The following RASGRF1 variants were observed in gnomAD, a reference collection of about 807,000 sequenced individuals.
RASGRF1 encodes the protein Ras protein specific guanine nucleotide releasing factor 1.
A neutral mutation model predicts 138.7 loss-of-function variants in RASGRF1; 40 were observed. That is an observed-to-expected ratio of 0.29 (90% confidence interval 0.22 to 0.38). The LOEUF (loss-of-function observed/expected upper bound fraction) is 0.38, where lower values mean the gene tolerates loss of function less well. Among genes scored for constraint, RASGRF1 ranks in the 10% least tolerant of loss-of-function variants. The probability of loss-of-function intolerance (pLI) is 1.00; values close to 1 mark genes in which losing one functional copy is unlikely to be tolerated. For synonymous variants in RASGRF1, 614 were observed against 663.2 expected (o/e 0.93, Z 1.14); for missense variants, 1,108 against 1,650.4 (o/e 0.67, Z 5.69).
At chr15:79,025,159 G>C (rs2057028540) in intron 10 of RASGRF1, among the ~76,000 whole-genome samples, 155 bp downstream of exon 10, 1 of 152,148 alleles carries the variant, frequency 6.6e-6, no homozygotes, top group African/African-American at 2.4e-5. Flanking sequence ...TCTCCAGCTG[G>C]CCAAACTATG....
intron 1 of RASGRF1, among the ~76,000 whole-genome samples, chr15:79,084,200 T>G (rs969974344): frequency 2.0e-5 from 3 of 152,230 alleles, no homozygotes; most frequent in African/African-American, 7.2e-5. Context: ...TTGTCTATAG[T>G]GACCCAGTGG....
chr15:78,978,023 T>G (rs991728971), intron 24 of RASGRF1, among the ~76,000 whole-genome samples: 14 of 151,924 alleles, frequency 9.2e-5, no homozygotes, highest in Admixed American at 7.2e-4. Flanking sequence ...ATGAGGCCAC[T>G]CTCAGGGCAT....
At chr15:79,088,955 C>T (rs946516272) in intron 1 of RASGRF1, among the ~76,000 whole-genome samples, 1 of 152,218 alleles carries the variant, frequency 6.6e-6, no homozygotes, top group Admixed American at 6.5e-5. Context: ...CTCCTAACAC[C>T]CATTGGCTGA....
chr15:79,006,553 G>A lies in RASGRF1; in HGVS notation c.1827-119C>T. The A allele has an allele frequency of 7.9e-7, 1 of 1,266,928 alleles. No individual in the cohort carries two copies. Among genetic ancestry groups the A allele is most frequent in the Non-Finnish European group, 1.1e-6 (1 of 929,690 alleles). The allele number at this position is 1,266,928 out of a possible 1,614,324, so 78.5% of individuals were successfully genotyped here. A position where few individuals can be genotyped will look rare whatever the true frequency, so the allele number is the denominator to read the frequency against. ...TGACAACACAGGATGGTCTTATTAA[G>A]AGAACAAGCTTGGGAAGGATGACAC... On this transcript the variant is annotated intron_variant, in intron 13 of 26. Coordinates refer to ENST00000558480, the MANE Select transcript of RASGRF1 (RefSeq NM_001145648.3). This position sits in a 1 kb window ranked among gnomAD's most constrained non-coding sequence, Gnocchi z 4.0.
chr15:78,976,800 G>A (rs565612518), intron 24 of RASGRF1, among the ~76,000 whole-genome samples: 1 of 152,384 alleles, frequency 6.6e-6, no homozygotes, highest in South Asian at 2.1e-4. Flanking sequence ...CCTCTCTCGG[G>A]TGAGGTCCAG....
Position 79,090,693 on chromosome 15 carries a change from C to T in RASGRF1, c.-195G>A, listed in dbSNP as rs1047550098. ...TCTTGAATCCAGATATACCATTCCC[C>T]GCTGGAACCTCTTCTCCGCTCCGCA... On this transcript the variant is annotated 5_prime_UTR_variant, in exon 1 of 27. Transcript: ENST00000558480. 4.2e-6 allele frequency: 3 copies of T among 715,990 alleles called. No homozygotes were observed. The highest frequency in any genetic ancestry group is 1.8e-5 in the African/African-American group (1 of 55,644). The allele number at this position is 715,990 out of a possible 1,614,324, so 44.4% of individuals were successfully genotyped here. A position where few individuals can be genotyped will look rare whatever the true frequency, so the allele number is the denominator to read the frequency against.
intron 6 of RASGRF1, among the ~76,000 whole-genome samples, chr15:79,033,586 T>C (rs371541629): frequency 1.1e-3 from 144 of 135,544 alleles, no homozygotes; most frequent in African/African-American, 3.7e-3. Context: ...CTTTTCTTTT[T>C]TTTTTTTTTT....
In RASGRF1 at chr15:78,998,028, T is replaced by G. The variant is rs961307936; in HGVS notation, c.2966+68A>C. On this transcript the variant is annotated intron_variant, in intron 19 of 26. Coordinates refer to ENST00000558480, the MANE Select transcript of RASGRF1 (RefSeq NM_001145648.3). ...CTCCCGGGCCTCTGACCAGCCCACA[T>G]GGAGGCAGAAGGCAGGGCTCCTGTC... 2.7e-5 allele frequency: 38 copies of G among 1,394,252 alleles called. No individual in the cohort carries two copies. The East Asian group carries it at 7.3e-4, about 27-fold the overall frequency. The allele number at this position is 1,394,252 out of a possible 1,614,324, so 86.4% of individuals were successfully genotyped here.
chr15:78,973,523 G>C lies in RASGRF1; in HGVS notation c.3495-103C>G, dbSNP rs2055813800. On this transcript the variant is annotated intron_variant, in intron 24 of 26. Transcript: ENST00000558480. This position sits in a 1 kb window ranked among gnomAD's most constrained non-coding sequence, Gnocchi z 4.9. The stretch of plus-strand genomic sequence containing the variant: ...CACCTTTTGCTTTGCTAGAGGCAAA[G>C]GGACTTGCAGTCACCAAGAATCACA... 4 of 830,018 alleles carry C rather than the reference G, an allele frequency of 4.8e-6. No individual in the cohort carries two copies. Among genetic ancestry groups the C allele is most frequent in the Non-Finnish European group, 7.9e-6 (4 of 507,786 alleles). The allele number at this position is 830,018 out of a possible 1,614,324, so 51.4% of individuals were successfully genotyped here.
At chr15:79,020,131 T>C (rs1172422825) in intron 10 of RASGRF1, 27 bp from the exon 11 acceptor site, 2 of 1,610,240 alleles carry the variant, frequency 1.2e-6, no homozygotes, top group Admixed American at 3.3e-5. Flanking sequence ...GGGGCTGCTT[T>C]GGATTGAGGG....
intron 23 of RASGRF1, chr15:78,981,105 G>A (rs118108174): frequency 4.7e-3 from 739 of 156,822 alleles, no homozygotes; most frequent in Non-Finnish European, 8.0e-3. Context: ...GGATGTGACC[G>A]TCATTTCACA....
chr15:79,015,848 G>A (rs952874781), intron 12 of RASGRF1, among the ~76,000 whole-genome samples: 3 of 152,214 alleles, frequency 2.0e-5, no homozygotes, highest in Non-Finnish European at 4.4e-5. Context: ...GCCACTGCAC[G>A]AGGGTGCTGA....
intron 26 of RASGRF1, among the ~76,000 whole-genome samples, chr15:78,971,216 A>C (rs1293751933): frequency 6.6e-6 from 1 of 152,204 alleles, no homozygotes; most frequent in Non-Finnish European, 1.5e-5. Context: ...CTGGATGTAC[A>C]AAGTATTTCT....
At chr15:79,008,071 G>C (rs2056720273) in intron 13 of RASGRF1, among the ~76,000 whole-genome samples, 1 of 152,040 alleles carries the variant, frequency 6.6e-6, no homozygotes, top group Admixed American at 6.6e-5. Flanking sequence ...TCAAACTCTT[G>C]ACCTCTTGAT....
At chr15:79,059,065 C>T (rs999750620) in intron 2 of RASGRF1, among the ~76,000 whole-genome samples, 1 of 152,006 alleles carries the variant, frequency 6.6e-6, no homozygotes, top group African/African-American at 2.4e-5. Flanking sequence ...GCTCTGCTAA[C>T]CTCCCTCCCT....
intron 3 of RASGRF1, among the ~76,000 whole-genome samples, chr15:79,053,851 C>T (rs573208251): frequency 4.6e-4 from 70 of 152,262 alleles, no homozygotes; most frequent in Admixed American, 2.4e-3. Flanking sequence ...GTTGCTGTCT[C>T]GAAGTTTTTA....
chr15:79,075,393 G>C (rs1428973956), intron 1 of RASGRF1, among the ~76,000 whole-genome samples: 1 of 152,128 alleles, frequency 6.6e-6, no homozygotes, highest in East Asian at 1.9e-4. Flanking sequence ...CCTGGCCCCA[G>C]TATGCCCTTC....
chr15:78,991,888 G>A, intron 20 of RASGRF1, 94 bp from the exon 21 acceptor site: 6 of 941,730 alleles, frequency 6.4e-6, no homozygotes, highest in African/African-American at 1.6e-5. Flanking sequence ...TCTCGCCCTC[G>A]AATTGGGTGG....
At chr15:79,071,037 G>C (rs1266653901) in intron 1 of RASGRF1, among the ~76,000 whole-genome samples, 1 of 152,260 alleles carries the variant, frequency 6.6e-6, no homozygotes. Flanking sequence ...AGCCCCGGGA[G>C]AGCAGCTGCA....
Sources: allele counts gnomAD v4.1 joint callset (sites outside exome capture counted in the v4.1 genomes callset), GRCh38; gene constraint gnomAD v4.1.1; non-coding constraint Gnocchi (gnomAD v3.1); transcripts MANE v1.5; gene names NCBI Gene and HGNC (gene_info 2026-07-23, HGNC 2026-07-21).